Variants in GRXCR2 observed in about 807,000 individuals in gnomAD.
GRXCR2 encodes the protein glutaredoxin and cysteine rich domain containing 2, also known as glutaredoxin domain-containing cysteine-rich protein 2.
Under a neutral mutation model 24.8 loss-of-function variants are expected in GRXCR2, and 23 were observed. That is an observed-to-expected ratio of 0.93 (90% CI 0.67 to 1.32). The LOEUF (loss-of-function observed/expected upper bound fraction) is 1.32. Ranked by LOEUF, GRXCR2 falls within the 40% of genes most tolerant of loss-of-function variation. The probability of loss-of-function intolerance (pLI) is 0.00; values close to 1 mark genes in which losing one functional copy is unlikely to be tolerated. For missense variants in GRXCR2, 315 were observed against 303.4 expected (o/e 1.04, Z -0.28); for synonymous variants, 130 against 116.1 (o/e 1.12, Z -0.77).
At position 145,866,713 on chromosome 5, in the gene GRXCR2, C is replaced by G; in HGVS notation, c.352G>C (p.Asp118His). The G allele has an allele frequency of 1.2e-6, 2 of 1,605,958 alleles. No individual in the cohort carries two copies. Among genetic ancestry groups the G allele is most frequent in the Non-Finnish European group, 1.7e-6 (2 of 1,172,686 alleles). Residue 118 changes from aspartate to histidine, a missense_variant, in exon 2 of 3, where the codon GAT (aspartate) becomes CAT (histidine). Asp to His is a moderately conservative substitution (Grantham distance 81). Coordinates refer to ENST00000377976, the MANE Select transcript of GRXCR2 (RefSeq NM_001080516.2). ...GTGTAGATGATTATCTTTCCAAAAT[C>G]TATAATAGGTAGGGGCTAGAGAAAT... is the stretch of plus-strand genomic sequence containing the variant. ...ANDHKPLPII[D>H]FGKIIIYTNN...
intron 2 of GRXCR2, among the ~76,000 whole-genome samples, chr5:145,883,971 C>T (rs1756740897): frequency 6.6e-6 from 1 of 152,162 alleles, no homozygotes; most frequent in Admixed American, 6.5e-5. Flanking sequence ...GACATTTAAG[C>T]AAGTGATTAA....
chr5:145,869,340 C>T, intron 1 of GRXCR2, among the ~76,000 whole-genome samples: 1 of 152,150 alleles, frequency 6.6e-6, no homozygotes, highest in East Asian at 1.9e-4. Context: ...ACCTCCCTTC[C>T]TTTTCCCTTC....
intron 2 of GRXCR2, among the ~76,000 whole-genome samples, chr5:145,883,894 T>C (rs897251039): frequency 1.3e-5 from 2 of 152,204 alleles, no homozygotes; most frequent in Non-Finnish European, 2.9e-5. Flanking sequence ...AGTTGGCTTA[T>C]GTAGTAGTAA....
intron 2 of GRXCR2, among the ~76,000 whole-genome samples, chr5:145,915,114 G>C (rs915311329): frequency 6.6e-5 from 10 of 152,114 alleles, no homozygotes; most frequent in Admixed American, 6.5e-4. Context: ...TGTCCCACAG[G>C]CTCCCCACCC....
chr5:145,914,859 A>G (rs1032548713), intron 2 of GRXCR2, among the ~76,000 whole-genome samples: 4 of 152,158 alleles, frequency 2.6e-5, no homozygotes, highest in Non-Finnish European at 5.9e-5. Context: ...AGAGACTGCC[A>G]GAGGCAAAGT....
At chr5:145,876,941 A>T (rs973471382), upstream of GRXCR2, among the ~76,000 whole-genome samples, 3 of 152,180 alleles carry the variant, frequency 2.0e-5, no homozygotes, top group Non-Finnish European at 2.9e-5. Flanking sequence ...TATCCAAAGA[A>T]ATCATGGCAA....
At chr5:145,890,154 C>T (rs1756844129) in intron 2 of GRXCR2, among the ~76,000 whole-genome samples, 1 of 152,204 alleles carries the variant, frequency 6.6e-6, no homozygotes, top group Non-Finnish European at 1.5e-5. Flanking sequence ...AGTGACATAA[C>T]TGTGGCTCAC....
chr5:145,923,162 G>T (rs1757348591), intron 2 of GRXCR2, among the ~76,000 whole-genome samples: 1 of 152,214 alleles, frequency 6.6e-6, no homozygotes, highest in Non-Finnish European at 1.5e-5. Context: ...AATAAGTCTG[G>T]ATGGGGCCTA....
rs530725926 is a variant in GRXCR2, at chr5:145,865,980, A to AT, written c.564+520dup. 1.8e-4 allele frequency among the ~76,000 whole-genome samples: 15 copies of AT among 84,462 alleles called. No homozygotes were observed. In the South Asian group the frequency reaches 7.2e-3, roughly 41 times the overall value. The allele number at this position is 84,462 out of a possible 152,430, so 55.4% of individuals were successfully genotyped here. On this transcript the variant is annotated intron_variant, in intron 2 of 2. Transcript: ENST00000377976. ...TGGTGAAACCCCATCTCTATTAAAA[A>AT]TAAAAAAAAATTAGGCATGGTGGTG...
In GRXCR2 at chr5:145,890,836, T is replaced by TA. The variant is rs575686343; in HGVS notation, c.-69-24109dup. On this transcript the variant is annotated intron_variant, in intron 2 of 3. Transcript: ENST00000639411. ...AAAGTCACAGAAGGGCAAGTTGAAT[T>TA]AAAAAAAAAAAAAGACTCATTGACC... is the stretch of plus-strand genomic sequence containing the variant. Among the ~76,000 whole-genome samples, 703 of 140,044 alleles carry TA rather than the reference T, an allele frequency of 5.0e-3. 4 individuals carry two copies. Among genetic ancestry groups the TA allele is most frequent in the African/African-American group, 0.015 (570 of 38,306 alleles). 91.9% of individuals were successfully genotyped at this position (140,044 alleles called of 152,430 possible).
rs1366198027 is a variant in GRXCR2, at chr5:145,866,520, GGTAAT to G, written c.540_544del (p.Leu181ProfsTer42). The G allele has an allele frequency of 6.2e-7, 1 of 1,613,698 alleles. No homozygotes were observed. Among genetic ancestry groups the G allele is most frequent in the Non-Finnish European group, 8.5e-7 (1 of 1,179,772 alleles). The stretch of plus-strand genomic sequence containing the variant: ...ACGCACCTGTGTATACCGGTTTTGG[GGTAAT>G]GTGCTTTCTGCCTCCACCAAAGGTC... On this transcript the variant is annotated frameshift_variant, in exon 2 of 3. Coordinates refer to ENST00000377976, the MANE Select transcript of GRXCR2 (RefSeq NM_001080516.2). LOFTEE classifies it high-confidence loss of function.
At chr5:145,920,216 C>T (rs1260218272) in intron 2 of GRXCR2, among the ~76,000 whole-genome samples, 1 of 152,174 alleles carries the variant, frequency 6.6e-6, no homozygotes, top group East Asian at 1.9e-4. Context: ...TAGTAACTCA[C>T]ATCTGCCTGG....
Position 145,866,690 on chromosome 5 carries a change from G to A in GRXCR2, c.375C>T (p.Tyr125=), listed in dbSNP as rs772381799. ...TTCGAATGATTTTCAGGTTATTAGT[G>A]TAGATGATTATCTTTCCAAAATCTA... ...PIIDFGKIII[Y]TNNLKIIRTP... The change falls in exon 2 of 3, where the codon TAC becomes TAT. Residue 125 remains tyrosine (Y), a synonymous_variant. Coordinates refer to ENST00000377976, the MANE Select transcript of GRXCR2 (RefSeq NM_001080516.2). The A allele has an allele frequency of 2.7e-5, 44 of 1,612,926 alleles. No individual in the cohort carries two copies. The East Asian group carries it at 8.7e-4, about 32-fold the overall frequency.
chr5:145,914,780 G>T (rs955329863), intron 2 of GRXCR2, among the ~76,000 whole-genome samples: 3 of 100,736 alleles, frequency 3.0e-5, no homozygotes, highest in African/African-American at 5.7e-5. Flanking sequence ...GCAGCAGAGT[G>T]GTCAAGAAAA....
intron 2 of GRXCR2, among the ~76,000 whole-genome samples, chr5:145,886,926 C>T (rs532402177): frequency 6.7e-4 from 102 of 152,130 alleles, no homozygotes; most frequent in African/African-American, 2.3e-3. Flanking sequence ...CATCTCAGTT[C>T]GTTTACTAGA....
chr5:145,877,273 A>C (rs980716098), upstream of GRXCR2, among the ~76,000 whole-genome samples: 1 of 150,834 alleles, frequency 6.6e-6, no homozygotes, highest in African/African-American at 2.4e-5. Context: ...AAAGGTTAAC[A>C]AAAAAAAGGA....
At chr5:145,891,051 C>A (rs569566441) in intron 2 of GRXCR2, among the ~76,000 whole-genome samples, 1 of 152,256 alleles carries the variant, frequency 6.6e-6, no homozygotes, top group South Asian at 2.1e-4. Context: ...GGGTTCAATT[C>A]AACAAGAAGA....
chr5:145,928,276 C>G (rs1457717176), intron 2 of GRXCR2, among the ~76,000 whole-genome samples: 5 of 152,074 alleles, frequency 3.3e-5, no homozygotes, highest in South Asian at 2.1e-4. Context: ...AGGATGTGGA[C>G]AAATAGGAAC....
intron 2 of GRXCR2, among the ~76,000 whole-genome samples, chr5:145,913,285 G>T (rs1757191601): frequency 6.6e-6 from 1 of 152,030 alleles, no homozygotes; most frequent in South Asian, 2.1e-4. Context: ...TAGACCCATG[G>T]TCTTCCAAAT....
Sources: allele counts gnomAD v4.1 joint callset (sites outside exome capture counted in the v4.1 genomes callset), GRCh38; gene constraint gnomAD v4.1.1; transcripts MANE v1.5; gene names NCBI Gene and HGNC (gene_info 2026-07-23, HGNC 2026-07-21).